Variants in TENM2 observed in about 807,000 individuals in gnomAD.
TENM2 encodes the protein teneurin transmembrane protein 2, also known as teneurin-2.
A neutral mutation model predicts 245.2 loss-of-function variants in TENM2; 52 were observed. That is an observed-to-expected ratio of 0.21 (90% CI 0.17 to 0.27). The LOEUF is 0.27. Among genes scored for constraint, TENM2 ranks in the 10% least tolerant of loss-of-function variants. The pLI is 1.00. For missense variants in TENM2, 3,046 were observed against 3,666.8 expected (o/e 0.83, Z 4.37); for synonymous variants, 1,363 against 1,438.9 (o/e 0.95, Z 1.19).
intron 2 of TENM2, among the ~76,000 whole-genome samples, chr5:167,523,570 TC>T (rs966482123): frequency 4.6e-5 from 7 of 152,130 alleles, no homozygotes; most frequent in African/African-American, 1.7e-4. Context: ...TATTTGGTGT[TC>T]GCTCATTGAA....
intron 1 of TENM2, among the ~76,000 whole-genome samples, chr5:167,350,752 A>G (rs1042670373): frequency 9.6e-5 from 14 of 145,106 alleles, no homozygotes; most frequent in South Asian, 2.2e-4. Flanking sequence ...TATATGGGAT[A>G]TATACATATG....
At chr5:167,848,564 A>G (rs936012305) in intron 2 of TENM2, among the ~76,000 whole-genome samples, 1 of 152,204 alleles carries the variant, frequency 6.6e-6, no homozygotes, top group Non-Finnish European at 1.5e-5. Context: ...AGAGAGCAGC[A>G]TTAGAACCAA....
At chr5:167,730,256 T>C (rs1760326586) in intron 2 of TENM2, among the ~76,000 whole-genome samples, 1 of 152,200 alleles carries the variant, frequency 6.6e-6, no homozygotes, top group East Asian at 1.9e-4. Flanking sequence ...TGGTCACTTA[T>C]GCAATTTACA....
the TENM2 span, among the ~76,000 whole-genome samples, chr5:167,143,742 GCTAA>G: frequency 6.8e-4 from 103 of 152,252 alleles, no homozygotes; most frequent in African/African-American, 2.2e-3. Context: ...TGCAGCTGAT[GCTAA>G]CTAAGCCGAT....
chr5:167,765,456 GTCAGTGTT>G (rs1762951965), intron 2 of TENM2, among the ~76,000 whole-genome samples: 2 of 152,168 alleles, frequency 1.3e-5, no homozygotes, highest in South Asian at 4.1e-4. Context: ...TAAAGGGGAT[GTCAGTGTT>G]AAATCTGCCA....
At chr5:168,195,551 C>CGTGT (rs35040257) in intron 15 of TENM2, among the ~76,000 whole-genome samples, 1,004 of 98,186 alleles carry the variant, frequency 0.01, 12 homozygotes, top group Non-Finnish European at 0.014. Context: ...GGTCAATGCA[C>CGTGT]GTGTGTGTGT....
At chr5:167,185,102 C>T in the TENM2 span, among the ~76,000 whole-genome samples, 1 of 152,172 alleles carries the variant, frequency 6.6e-6, no homozygotes, top group Non-Finnish European at 1.5e-5. Flanking sequence ...TGTTCATACA[C>T]ACATATGTTA....
At chr5:167,580,358 C>A (rs767897843) in intron 2 of TENM2, among the ~76,000 whole-genome samples, 1 of 152,194 alleles carries the variant, frequency 6.6e-6, no homozygotes, top group Non-Finnish European at 1.5e-5. Flanking sequence ...GGACATCTTT[C>A]TATTTACAAA....
At chr5:167,550,699 AGTGTGTGTGTGTGTGTGTGTGTGTGT>A (rs10581183) in intron 2 of TENM2, among the ~76,000 whole-genome samples, 14 of 114,174 alleles carry the variant, frequency 1.2e-4, no homozygotes, top group South Asian at 3.2e-4. Context: ...TGTTGTTGTT[AGTGTGTGTGTGTGTGTGTGTGTGTGT>A]GTGTGTGTGT....
intron 13 of TENM2, among the ~76,000 whole-genome samples, chr5:168,170,646 C>T (rs982219153): frequency 4.6e-5 from 7 of 152,122 alleles, no homozygotes; most frequent in African/African-American, 1.4e-4. Context: ...ATGTGCCAAG[C>T]ACTGTGCTGA....
At chr5:167,901,349 G>A (rs2151517588) in intron 3 of TENM2, among the ~76,000 whole-genome samples, 1 of 152,178 alleles carries the variant, frequency 6.6e-6, no homozygotes, top group South Asian at 2.1e-4. Context: ...TTATATAATA[G>A]GTATTACCTA....
At chr5:167,140,673 G>A in the TENM2 span, among the ~76,000 whole-genome samples, 1 of 152,140 alleles carries the variant, frequency 6.6e-6, no homozygotes, top group Non-Finnish European at 1.5e-5. Flanking sequence ...ATAGGGGTGA[G>A]CGCAATACAC....
At chr5:167,162,251 G>A in the TENM2 span, among the ~76,000 whole-genome samples, 1 of 151,798 alleles carries the variant, frequency 6.6e-6, no homozygotes, top group Non-Finnish European at 1.5e-5. Flanking sequence ...ATCACTGATG[G>A]GTTATAGATA....
At chr5:168,158,735 G>A (rs1419694356) in intron 12 of TENM2, among the ~76,000 whole-genome samples, 2 of 147,686 alleles carry the variant, frequency 1.4e-5, no homozygotes, top group African/African-American at 5.0e-5. Flanking sequence ...CAAGGCAGGC[G>A]GATCACTTGA....
chr5:167,215,323 C>T, the TENM2 span, among the ~76,000 whole-genome samples: 3 of 152,104 alleles, frequency 2.0e-5, no homozygotes, highest in Non-Finnish European at 2.9e-5. Flanking sequence ...GATATGTTTT[C>T]GAAAAGTAGC....
the TENM2 span, among the ~76,000 whole-genome samples, chr5:166,995,997 T>C: frequency 2.0e-5 from 3 of 151,938 alleles, no homozygotes; most frequent in African/African-American, 7.3e-5. Flanking sequence ...ATTTTTATGA[T>C]TCATATTAAT....
At chr5:168,213,176 G>C (rs754378072) in intron 20 of TENM2, among the ~76,000 whole-genome samples, 3 of 152,128 alleles carry the variant, frequency 2.0e-5, no homozygotes, top group Admixed American at 6.6e-5. Context: ...AGCCAAAAAA[G>C]AAGAAGAAAA....
At chr5:168,225,925 G>A (rs978853841) in intron 23 of TENM2, among the ~76,000 whole-genome samples, 163 bp from the exon 26 acceptor site, 5 of 152,028 alleles carry the variant, frequency 3.3e-5, no homozygotes, top group Non-Finnish European at 5.9e-5. Flanking sequence ...CTGTTTCTCC[G>A]GGCATAATAG....
At chr5:167,474,712 C>T (rs554920005) in intron 2 of TENM2, among the ~76,000 whole-genome samples, 2 of 152,134 alleles carry the variant, frequency 1.3e-5, no homozygotes, top group African/African-American at 4.8e-5. Flanking sequence ...GACAGGGTTT[C>T]GCCATGTTAG....
Sources: allele counts gnomAD v4.1 joint callset (sites outside exome capture counted in the v4.1 genomes callset), GRCh38; gene constraint gnomAD v4.1.1; transcripts MANE v1.5; gene names NCBI Gene and HGNC (gene_info 2026-07-23, HGNC 2026-07-21).